Variants in ABCB1 observed in about 807,000 individuals in gnomAD.
ABCB1 encodes the protein ATP-dependent translocase ABCB1.
A neutral mutation model predicts 142.0 loss-of-function variants in ABCB1; 69 were observed. That is an observed-to-expected ratio of 0.49 (90% CI 0.40 to 0.59). The LOEUF is 0.59. Ranked by LOEUF, ABCB1 falls within the 20% of genes least tolerant of loss-of-function variation. The pLI, the probability that ABCB1 is intolerant of heterozygous loss-of-function variation, is 0.00. For missense variants in ABCB1, 1,326 were observed against 1,554.7 expected, an observed-to-expected ratio of 0.85 and a Z score of 2.47; for synonymous variants, 532 against 539.2, an observed-to-expected ratio of 0.99 and a Z score of 0.18.
intron 2 of ABCB1, 135 bp downstream of exon 2, chr7:87,599,981 AT>A (rs1414245081): frequency 3.5e-6 from 3 of 850,328 alleles, no homozygotes; most frequent in African/African-American, 1.7e-5. Context: ...AGGGATATTG[AT>A]TCCAAAGGCT....
At chr7:87,623,739 G>A (rs112233491) in intron 1 of ABCB1, among the ~76,000 whole-genome samples, 9 of 151,046 alleles carry the variant, frequency 6.0e-5, no homozygotes, top group Admixed American at 2.6e-4. Flanking sequence ...CTTCATGCTC[G>A]CTTCTGATAG....
At position 87,504,455 on chromosome 7, in the gene ABCB1, C is replaced by A. The variant is rs1427356827; in HGVS notation, c.3637-6G>T. On this transcript the variant is annotated splice_polypyrimidine_tract_variant and splice_region_variant and intron_variant, in intron 27 of 27. Coordinates refer to ENST00000622132, the MANE Select transcript of ABCB1 (RefSeq NM_001348946.2). ...TCCAGGGCTTCTTGGACAACCTATT[C>A]CATAATCACATAGATTAATTCTCAT... The A allele has an allele frequency of 6.2e-7, 1 of 1,614,010 alleles. No individual in the cohort carries two copies. The highest frequency in any genetic ancestry group is 1.1e-5 in the South Asian group (1 of 91,078).
chr7:87,563,815 C>T (rs562052646), intron 7 of ABCB1, among the ~76,000 whole-genome samples: 45 of 152,148 alleles, frequency 3.0e-4, no homozygotes, highest in African/African-American at 1.0e-3. Flanking sequence ...ACATAGACAC[C>T]ATGGAATACT....
At chr7:87,504,471 T>C in intron 27 of ABCB1, 22 bp from the exon 28 acceptor site, 2 of 1,613,672 alleles carry the variant, frequency 1.2e-6, no homozygotes, top group Non-Finnish European at 1.7e-6. Context: ...TCACATAGAT[T>C]AATTCTCATA....
At chr7:87,630,822 A>G (rs929673660) in intron 1 of ABCB1, among the ~76,000 whole-genome samples, 2 of 151,916 alleles carry the variant, frequency 1.3e-5, no homozygotes, top group African/African-American at 4.8e-5. Context: ...TAGGTCATGT[A>G]ATGATCATGT....
intron 3 of ABCB1, among the ~76,000 whole-genome samples, chr7:87,593,982 G>A (rs1399449049): frequency 3.9e-5 from 6 of 152,168 alleles, no homozygotes; most frequent in African/African-American, 1.4e-4. Context: ...TGGAAACCCT[G>A]AACACACAAT....
chr7:87,712,268 A>G (rs1354412890), intron 1 of ABCB1, among the ~76,000 whole-genome samples: 4 of 152,136 alleles, frequency 2.6e-5, no homozygotes, highest in Admixed American at 2.6e-4. Flanking sequence ...ATATTTCTAA[A>G]GATAAACAGT....
chr7:87,647,182 G>T lies in ABCB1; in HGVS notation c.-330-46104C>A, dbSNP rs149566805. Reference sequence around the variant, plus strand: ...CATTACACAACAAGAATGCCATAGGGTGGCATTTCTGAAAGTGTACTTCTG... The same window carrying T: ...CATTACACAACAAGAATGCCATAGGTTGGCATTTCTGAAAGTGTACTTCTG... On this transcript the variant is annotated intron_variant, in intron 1 of 28. Coordinates refer to the ABCB1 transcript ENST00000265724. Among the ~76,000 whole-genome samples the T allele has an allele frequency of 3.8e-4, 58 of 152,274 alleles. 1 individual carries two copies. The highest frequency in any genetic ancestry group is 1.3e-3 in the African/African-American group (53 of 41,542).
rs28381831 is a variant in ABCB1, at chr7:87,584,048, G to A, written c.286+1464C>T. Among the ~76,000 whole-genome samples the A allele has an allele frequency of 8.4e-3, 1,284 of 152,314 alleles. 14 individuals carry two copies. The highest frequency in any genetic ancestry group is 0.029 in the African/African-American group (1,220 of 41,564). The stretch of plus-strand genomic sequence containing the variant: ...AGAAAGGTACCAGTTCAGAGGTGGT[G>A]CAGCATCTTTCTGCAGGTCCCTTTG... On this transcript the variant is annotated intron_variant, in intron 4 of 27. Coordinates refer to ENST00000622132, the MANE Select transcript of ABCB1 (RefSeq NM_001348946.2).
At chr7:87,708,979 T>A (rs1829841445) in intron 1 of ABCB1, among the ~76,000 whole-genome samples, 1 of 152,210 alleles carries the variant, frequency 6.6e-6, no homozygotes, top group Admixed American at 6.5e-5. Context: ...ACTGAAAACA[T>A]CTAAATTCCT....
chr7:87,600,347 G>T (rs1327963449), intron 1 of ABCB1, among the ~76,000 whole-genome samples, 157 bp from the exon 2 acceptor site: 1 of 152,252 alleles, frequency 6.6e-6, no homozygotes, highest in Non-Finnish European at 1.5e-5. Flanking sequence ...CACTGCAGGG[G>T]CTTTCCTGTG....
intron 2 of ABCB1, among the ~76,000 whole-genome samples, chr7:87,599,687 C>A (rs1395209960): frequency 2.0e-5 from 3 of 152,068 alleles, no homozygotes; most frequent in Non-Finnish European, 4.4e-5. Flanking sequence ...TTCCAATGTT[C>A]GATAGCAGAC....
intron 1 of ABCB1, among the ~76,000 whole-genome samples, chr7:87,698,179 A>C (rs1828668737): frequency 6.6e-6 from 1 of 152,168 alleles, no homozygotes; most frequent in African/African-American, 2.4e-5. Context: ...GGCTCACTGC[A>C]AGCTCCACCT....
rs200926340 is a variant in ABCB1, at chr7:87,512,130, AT to A, written c.3283-2650del. On this transcript the variant is annotated intron_variant, in intron 25 of 27. Coordinates refer to ENST00000622132, the MANE Select transcript of ABCB1 (RefSeq NM_001348946.2). ...TTTAAGCTTCCAGTATTTGGTTATG[AT>A]TTTTTTTTCATTTGAAGTAAATATC... 2.7e-4 allele frequency among the ~76,000 whole-genome samples: 40 copies of A among 150,736 alleles called. 1 individual carries two copies. Among genetic ancestry groups the A allele is most frequent in the Non-Finnish European group, 1.5e-4 (10 of 67,604 alleles).
Position 87,531,506 on chromosome 7 carries a change from C to T in ABCB1, c.2482-9G>A. 6.2e-7 allele frequency: 1 copy of T among 1,611,826 alleles called. No homozygotes were observed. Among genetic ancestry groups the T allele is most frequent in the South Asian group, 1.1e-5 (1 of 91,018 alleles). ...AGCCTGGAACCTATAGCCTGCAAAACAAAACAAATTAGAGAAATTTTAAAA... is the reference window on the plus strand; with the variant it reads ...AGCCTGGAACCTATAGCCTGCAAAATAAAACAAATTAGAGAAATTTTAAAA... On this transcript the variant is annotated splice_polypyrimidine_tract_variant and intron_variant, in intron 20 of 27. Coordinates refer to ENST00000622132, the MANE Select transcript of ABCB1 (RefSeq NM_001348946.2).
intron 1 of ABCB1, among the ~76,000 whole-genome samples, chr7:87,692,811 AAGAACATTATGTTCTAATATG>A (rs1828138853): frequency 6.6e-6 from 1 of 152,216 alleles, no homozygotes; most frequent in South Asian, 2.1e-4. Flanking sequence ...TAGTTATAGC[AAGAACATTATGTTCTAATATG>A]AGCTTTAACT....
intron 7 of ABCB1, among the ~76,000 whole-genome samples, chr7:87,561,967 C>G (rs565622162): frequency 6.6e-6 from 1 of 152,308 alleles, no homozygotes; most frequent in African/African-American, 2.4e-5. Flanking sequence ...GCCTGGGCAA[C>G]AGAGTGAGAC....
At chr7:87,570,115 T>C (rs953055429) in intron 5 of ABCB1, 57 bp downstream of exon 5, 2 of 1,501,120 alleles carry the variant, frequency 1.3e-6, no homozygotes, top group African/African-American at 2.8e-5. Flanking sequence ...TTTAAACATT[T>C]CTACAACTTG....
At chr7:87,701,477 G>A (rs1829029870) in intron 1 of ABCB1, among the ~76,000 whole-genome samples, 1 of 152,140 alleles carries the variant, frequency 6.6e-6, no homozygotes, top group African/African-American at 2.4e-5. Context: ...AATGAAATGT[G>A]TCAACATTTG....
Sources: gnomAD v4.1 joint callset for allele counts (sites outside exome capture counted in the v4.1 genomes callset) on GRCh38, gnomAD v4.1.1 for gene constraint, MANE v1.5 for transcripts, NCBI Gene and HGNC (gene_info 2026-07-23, HGNC 2026-07-21) for gene names.